Variants in MKLN1 observed in about 807,000 individuals in gnomAD.
MKLN1 encodes muskelin.
In MKLN1, 18 loss-of-function variants were observed where a neutral mutation model predicts 99.0. That is an observed-to-expected ratio of 0.18 (90% confidence interval 0.13 to 0.27). The LOEUF (loss-of-function observed/expected upper bound fraction) is 0.27. Ranked by LOEUF, MKLN1 falls within the 10% of genes least tolerant of loss-of-function variation. MKLN1 has a pLI of 1.00. For synonymous variants in MKLN1, 288 were observed against 293.2 expected, an observed-to-expected ratio of 0.98 and a Z score of 0.18; for missense variants, 621 against 875.9, an observed-to-expected ratio of 0.71 and a Z score of 3.67.
intron 3 of MKLN1, among the ~76,000 whole-genome samples, chr7:131,255,045 T>C (rs1464653785): frequency 6.6e-6 from 1 of 152,068 alleles, no homozygotes; most frequent in African/African-American, 2.4e-5. Context: ...TGTGCCATCA[T>C]ACCTGGCTAG....
chr7:131,417,763 C>G (rs1010308861), intron 8 of MKLN1, among the ~76,000 whole-genome samples: 4 of 151,992 alleles, frequency 2.6e-5, no homozygotes, highest in South Asian at 2.1e-4. Flanking sequence ...AGTGATGATT[C>G]GTTTTAAATT....
At chr7:131,368,306 T>C (rs1187326322) in intron 1 of MKLN1, among the ~76,000 whole-genome samples, 4 of 152,236 alleles carry the variant, frequency 2.6e-5, no homozygotes. Flanking sequence ...TTCTTTGCTG[T>C]CTTTTTCTAT....
intron 1 of MKLN1, among the ~76,000 whole-genome samples, chr7:131,359,172 C>T (rs2116794058): frequency 6.6e-6 from 1 of 152,258 alleles, no homozygotes; most frequent in Non-Finnish European, 1.5e-5. Context: ...TCCTTCTAAG[C>T]ATTCCTTTCA....
chr7:131,210,339 T>C (rs1796882210), intron 3 of MKLN1, among the ~76,000 whole-genome samples: 1 of 152,018 alleles, frequency 6.6e-6, no homozygotes, highest in African/African-American at 2.4e-5. Flanking sequence ...GAGAACAGCC[T>C]GGGCAACACG....
intron 3 of MKLN1, among the ~76,000 whole-genome samples, chr7:131,306,930 C>G (rs975836541): frequency 2.0e-5 from 3 of 152,208 alleles, no homozygotes; most frequent in Non-Finnish European, 2.9e-5. Flanking sequence ...ATGGCAGCCC[C>G]TCCCATCACA....
At chr7:131,142,464 G>A (rs932516781) in intron 1 of MKLN1, among the ~76,000 whole-genome samples, 7 of 151,490 alleles carry the variant, frequency 4.6e-5, no homozygotes, top group African/African-American at 1.2e-4. Context: ...GGCCGGTCGC[G>A]GTGGCTCATG....
intron 1 of MKLN1, among the ~76,000 whole-genome samples, chr7:131,130,734 A>C (rs1476452396): frequency 1.3e-5 from 2 of 152,210 alleles, no homozygotes; most frequent in Admixed American, 6.5e-5. Flanking sequence ...CTAATGTATT[A>C]TTAGTAGATA....
chr7:131,156,261 C>A (rs1795962026), intron 2 of MKLN1, among the ~76,000 whole-genome samples: 1 of 151,984 alleles, frequency 6.6e-6, no homozygotes, highest in African/African-American at 2.4e-5. Flanking sequence ...GGCGCGGTGG[C>A]TCACTCCTGT....
At chr7:131,466,438 A>T in intron 15 of MKLN1, 23 bp downstream of exon 15, 1 of 1,496,950 alleles carries the variant, frequency 6.7e-7, no homozygotes, top group Non-Finnish European at 9.1e-7. Context: ...TTCACTGAAA[A>T]CATTTAATTA....
Position 131,283,332 on chromosome 7 carries a change from TC to T in MKLN1, c.-179+80361del, listed in dbSNP as rs1448610361. On this transcript the variant is annotated intron_variant, in intron 3 of 7. Coordinates refer to the MKLN1 transcript ENST00000416992. The stretch of plus-strand genomic sequence containing the variant: ...CTCCCTCCCTCCCTCCCTCCCTCCT[TC>T]CCTTCCCTTCCCCTCCTTCCTTCCT... Among the ~76,000 whole-genome samples the T allele has an allele frequency of 7.0e-3, 321 of 46,156 alleles. 16 individuals carry two copies. The highest frequency in any genetic ancestry group is 0.037 in the African/African-American group (287 of 7,762). The allele number at this position is 46,156 out of a possible 152,430, so 30.3% of individuals were successfully genotyped here.
intron 2 of MKLN1, among the ~76,000 whole-genome samples, chr7:131,151,589 T>G (rs1210636479): frequency 6.6e-6 from 1 of 152,216 alleles, no homozygotes; most frequent in Non-Finnish European, 1.5e-5. Context: ...TAATTAGCCT[T>G]GCCCAATTAT....
chr7:131,335,104 A>G (rs1799213959), intron 1 of MKLN1, among the ~76,000 whole-genome samples: 1 of 152,214 alleles, frequency 6.6e-6, no homozygotes, highest in Non-Finnish European at 1.5e-5. Context: ...TGAGAAGTCC[A>G]GCAGTATTAA....
At chr7:131,228,648 G>A (rs966941436) in intron 3 of MKLN1, among the ~76,000 whole-genome samples, 18 of 152,146 alleles carry the variant, frequency 1.2e-4, no homozygotes, top group African/African-American at 4.3e-4. Context: ...AATCATGCAA[G>A]TAAAGAACCA....
At chr7:131,184,683 T>C (rs1796424303) in intron 2 of MKLN1, among the ~76,000 whole-genome samples, 2 of 152,054 alleles carry the variant, frequency 1.3e-5, no homozygotes, top group South Asian at 4.1e-4. Flanking sequence ...CGCCACTACA[T>C]CCAGCTAATC....
rs59130761 is a variant in MKLN1 at position 131,309,721 on chromosome 7, A to ATTTT, written c.-178-65684_-178-65681dup. ...AACCACCACACTCAGCCACAAGTGG[A>ATTTT]TTTTTTTTTTTTTTTTTTTTTTGAG... On this transcript the variant is annotated intron_variant, in intron 3 of 7. Coordinates refer to the MKLN1 transcript ENST00000416992. 9.3e-4 allele frequency: 81 copies of ATTTT among 87,516 alleles called. 3 individuals carry two copies. Among genetic ancestry groups the ATTTT allele is most frequent in the African/African-American group, 3.0e-3 (71 of 23,592 alleles). The allele number at this position is 87,516 out of a possible 1,614,324, so 5.4% of individuals were successfully genotyped here.
At chr7:131,364,682 A>G (rs912742210) in intron 1 of MKLN1, among the ~76,000 whole-genome samples, 13 of 152,082 alleles carry the variant, frequency 8.5e-5, no homozygotes, top group African/African-American at 2.9e-4. Flanking sequence ...CTTTGTGTTC[A>G]TAAGTTCTCA....
At chr7:131,174,029 A>G (rs1261964787) in intron 2 of MKLN1, among the ~76,000 whole-genome samples, 1 of 138,350 alleles carries the variant, frequency 7.2e-6, no homozygotes, top group Non-Finnish European at 1.5e-5. Context: ...GCTGGACTGC[A>G]GTGGCACGAT....
At chr7:131,281,372 C>T (rs762918509) in intron 3 of MKLN1, among the ~76,000 whole-genome samples, 151 of 152,252 alleles carry the variant, frequency 9.9e-4, no homozygotes, top group African/African-American at 3.3e-3. Flanking sequence ...TTTTTAGTCT[C>T]TCAAGTCTAT....
intron 2 of MKLN1, among the ~76,000 whole-genome samples, chr7:131,154,255 T>C (rs1165051499): frequency 1.3e-5 from 2 of 152,084 alleles, no homozygotes; most frequent in African/African-American, 2.4e-5. Context: ...CTAGACTTCT[T>C]AGAATTCACC....
Sources: allele counts gnomAD v4.1 joint callset (sites outside exome capture counted in the v4.1 genomes callset), GRCh38; gene constraint gnomAD v4.1.1; transcripts MANE v1.5; gene names NCBI Gene and HGNC (gene_info 2026-07-23, HGNC 2026-07-21).